Variants in KCNJ15 observed in about 807,000 individuals in gnomAD.
The protein encoded by KCNJ15 is potassium inwardly rectifying channel subfamily J member 15.
In KCNJ15, 14 loss-of-function variants were observed where a neutral mutation model predicts 23.0. The ratio of observed to expected loss-of-function variants is 0.61; its 90% confidence interval spans 0.40 to 0.95. KCNJ15 has a LOEUF of 0.95. KCNJ15 is among the 40% of genes least tolerant of loss of function. KCNJ15 has a pLI of 0.00. For synonymous variants in KCNJ15, 185 were observed against 183.2 expected (o/e 1.01, Z -0.08); for missense variants, 388 against 461.8 (o/e 0.84, Z 1.46).
chr21:38,266,637 T>C (rs892322571), intron 1 of KCNJ15, among the ~76,000 whole-genome samples: 1 of 152,212 alleles, frequency 6.6e-6, no homozygotes, highest in Non-Finnish European at 1.5e-5. Context: ...TGTGTCTTTA[T>C]AGTAGAGTGA....
intron 1 of KCNJ15, among the ~76,000 whole-genome samples, chr21:38,239,373 C>T (rs1748432962): frequency 6.6e-6 from 1 of 152,206 alleles, no homozygotes; most frequent in African/African-American, 2.4e-5. Context: ...GGCTCAGGGA[C>T]CCCACCTCCC....
Position 38,280,144 on chromosome 21 carries a change from C to T in KCNJ15, c.-116-16782C>T, listed in dbSNP as rs139638172. 3.9e-5 allele frequency among the ~76,000 whole-genome samples: 6 copies of T among 152,202 alleles called. No homozygotes were observed. In the South Asian group the frequency reaches 6.2e-4, roughly 16 times the overall value. On this transcript the variant is annotated intron_variant, in intron 1 of 2. Coordinates refer to ENST00000398938, the MANE Select transcript of KCNJ15 (RefSeq NM_170736.3). ...GGCCACATTGTGTTTCTGTGGACTG[C>T]GGACTAGTTTCAGAGGAAGCACCTG...
At chr21:38,233,177 T>C (rs752890214) in intron 1 of KCNJ15, among the ~76,000 whole-genome samples, 33 of 152,064 alleles carry the variant, frequency 2.2e-4, no homozygotes, top group Non-Finnish European at 4.1e-4. Flanking sequence ...TTCTCATAGA[T>C]TGGCCCTTTT....
chr21:38,263,618 TCTGA>T (rs1415370113), intron 1 of KCNJ15, among the ~76,000 whole-genome samples: 10 of 152,180 alleles, frequency 6.6e-5, no homozygotes, highest in Non-Finnish European at 1.3e-4. Context: ...GATTCCCTCC[TCTGA>T]CTAACGTTTC....
chr21:38,247,073 GATGGATGGATGGATGGATGGATGGATGC>G (rs1323139179), intron 1 of KCNJ15, among the ~76,000 whole-genome samples: 26,652 of 115,804 alleles, frequency 0.23, 2,152 homozygotes, highest in East Asian at 0.31. Context: ...TGGATGGATG[GATGGATGGATGGATGGATGGATGGATGC>G]ATGGATGGAT....
chr21:38,259,619 GGGCAA>G, intron 1 of KCNJ15, among the ~76,000 whole-genome samples: 2 of 152,240 alleles, frequency 1.3e-5, no homozygotes, highest in East Asian at 3.9e-4. Context: ...GCTTATTCAT[GGGCAA>G]ATACAAGAGG....
At chr21:38,277,942 C>G (rs1569003825) in intron 1 of KCNJ15, among the ~76,000 whole-genome samples, 1 of 152,186 alleles carries the variant, frequency 6.6e-6, no homozygotes, top group Non-Finnish European at 1.5e-5. Context: ...AGCAACTGTG[C>G]TACTTAGGGT....
chr21:38,236,633 T>C (rs1476030248), intron 1 of KCNJ15, among the ~76,000 whole-genome samples: 1 of 152,200 alleles, frequency 6.6e-6, no homozygotes, highest in Non-Finnish European at 1.5e-5. Context: ...CATTTTCCAG[T>C]GATGGAAACA....
intron 1 of KCNJ15, among the ~76,000 whole-genome samples, chr21:38,239,824 C>T (rs1414947813): frequency 6.6e-6 from 1 of 152,180 alleles, no homozygotes; most frequent in Non-Finnish European, 1.5e-5. Flanking sequence ...TCTGCTTTGC[C>T]GTGACTGCCC....
chr21:38,285,307 T>C (rs1305422907), intron 1 of KCNJ15, among the ~76,000 whole-genome samples: 17 of 152,338 alleles, frequency 1.1e-4, no homozygotes, highest in Non-Finnish European at 2.9e-5. Flanking sequence ...TAATGATTAA[T>C]ACTAATCATT....
intron 1 of KCNJ15, among the ~76,000 whole-genome samples, chr21:38,286,308 G>T (rs902479169): frequency 6.6e-6 from 1 of 152,146 alleles, no homozygotes; most frequent in African/African-American, 2.4e-5. Context: ...TCCGAGAAGT[G>T]CTACAGTAAG....
At chr21:38,252,226 T>C (rs540154683), upstream of KCNJ15, among the ~76,000 whole-genome samples, 5 of 152,334 alleles carry the variant, frequency 3.3e-5, no homozygotes, top group Admixed American at 6.5e-5. Context: ...TGCTCTTCAT[T>C]TTTCCTGGAA....
At chr21:38,250,847 G>A (rs1186104456) in intron 1 of KCNJ15, among the ~76,000 whole-genome samples, 2 of 152,108 alleles carry the variant, frequency 1.3e-5, no homozygotes, top group African/African-American at 2.4e-5. Context: ...GGTGATAATC[G>A]CATTTTCTGT....
At position 38,246,648 on chromosome 21, in the gene KCNJ15, A is replaced by G. The variant is rs531022082; in HGVS notation, c.-398-10398A>G. ...ATTTTAATTTTTAAAAAAGAGGAACATATTACAAAGGAAGCAGAATTTCAA... is the reference window on the plus strand; with the variant it reads ...ATTTTAATTTTTAAAAAAGAGGAACGTATTACAAAGGAAGCAGAATTTCAA... On this transcript the variant is annotated intron_variant, in intron 1 of 4. Coordinates refer to the KCNJ15 transcript ENST00000547341. Among the ~76,000 whole-genome samples the G allele has an allele frequency of 2.6e-5, 4 of 152,368 alleles. No individual in the cohort carries two copies. In the South Asian group the frequency reaches 6.2e-4, roughly 24 times the overall value.
intron 1 of KCNJ15, chr21:38,269,003 C>A (rs1981795380): frequency 6.6e-6 from 1 of 152,166 alleles, no homozygotes; most frequent in Admixed American, 6.5e-5. Context: ...AGGGATCCTC[C>A]ACAAGTGATT....
upstream of KCNJ15, among the ~76,000 whole-genome samples, chr21:38,254,555 A>C (rs1980057320): frequency 6.6e-6 from 1 of 152,240 alleles, no homozygotes; most frequent in African/African-American, 2.4e-5. Flanking sequence ...CTGTGGTTAA[A>C]ATTCATGCAG....
chr21:38,294,841 T>C (rs1984979908), intron 1 of KCNJ15, among the ~76,000 whole-genome samples: 5 of 152,212 alleles, frequency 3.3e-5, no homozygotes, highest in Admixed American at 3.3e-4. Flanking sequence ...CTCAGACCAT[T>C]AATCTTTTAC....
Position 38,261,962 on chromosome 21 carries a change from T to C in KCNJ15, c.-117+4777T>C, listed in dbSNP as rs188766525. ...TTTTCAATAGCAGTTAATTGTGTCA[T>C]TTCTTGGTAGAAATGCTGGCTAAAC... is the stretch of plus-strand genomic sequence containing the variant. On this transcript the variant is annotated intron_variant, in intron 1 of 2. Transcript: ENST00000398938. Among the ~76,000 whole-genome samples, 3 of 152,360 alleles carry C rather than the reference T, an allele frequency of 2.0e-5. No individual in the cohort carries two copies. The East Asian group carries it at 5.8e-4, about 29-fold the overall frequency.
At chr21:38,238,168 G>C in intron 1 of KCNJ15, 1 of 415,282 alleles carries the variant, frequency 2.4e-6, no homozygotes. Flanking sequence ...TGCAGGACCT[G>C]AGTCTTTAGT....
Sources: allele counts gnomAD v4.1 joint callset (sites outside exome capture counted in the v4.1 genomes callset), GRCh38; gene constraint gnomAD v4.1.1; transcripts MANE v1.5; gene names NCBI Gene and HGNC (gene_info 2026-07-23, HGNC 2026-07-21).